CRTAC1: variants seen among roughly 807,000 people sequenced by gnomAD.
The protein encoded by CRTAC1 is acidic secreted protein in cartilage.
Under a neutral mutation model 67.8 loss-of-function variants are expected in CRTAC1, and 37 were observed. The observed-to-expected ratio is 0.55, with a 90% CI of 0.42 to 0.72. CRTAC1 has a LOEUF of 0.72. Among genes scored for constraint, CRTAC1 ranks in the 30% least tolerant of loss-of-function variants. The pLI is 0.00. For missense variants in CRTAC1, 780 were observed against 931.6 expected (o/e 0.84, Z 2.12); for synonymous variants, 348 against 371.0 (o/e 0.94, Z 0.71).
At chr10:97,997,849 C>A (rs886161767) in intron 2 of CRTAC1, among the ~76,000 whole-genome samples, 2 of 152,140 alleles carry the variant, frequency 1.3e-5, no homozygotes, top group Non-Finnish European at 2.9e-5. Context: ...CAGAATGCAG[C>A]AGCACAGAGA....
At chr10:97,912,628 G>C (rs1234711556) in intron 5 of CRTAC1, among the ~76,000 whole-genome samples, 1 of 152,188 alleles carries the variant, frequency 6.6e-6, no homozygotes, top group African/African-American at 2.4e-5. Flanking sequence ...AAGATGGTGG[G>C]GAGGGAGGGT....
At chr10:97,930,916 C>T (rs2050994056) in intron 3 of CRTAC1, among the ~76,000 whole-genome samples, 1 of 20,832 alleles carries the variant, frequency 4.8e-5, no homozygotes, top group Non-Finnish European at 1.5e-4. Flanking sequence ...CCACCAAGAG[C>T]AAAGACAAAA....
rs375513503 is a variant in CRTAC1, at chr10:97,865,607, C to T, written c.1927G>A (p.Val643Ile). The T allele has an allele frequency of 5.5e-5, 88 of 1,613,606 alleles. 1 individual carries two copies. The highest frequency in any genetic ancestry group is 4.1e-4 in the African/African-American group (31 of 75,060). Residue 643 changes from valine (V) to isoleucine (I), a missense_variant, in exon 15 of 15, where the codon GTA (valine) becomes ATA (isoleucine). Transcript: ENST00000370597. ...GACCCCAGATTGAGATCTCCATCTA[C>T]GAGGACCGGTGCAGCAGTGGCAGCT... ...AGAATAAPVL[V>I]DGDLNLGSVV...
At chr10:97,897,110 C>G in intron 8 of CRTAC1, 119 bp from the exon 9 acceptor site, 3 of 630,624 alleles carry the variant, frequency 4.8e-6, no homozygotes, top group Non-Finnish European at 8.1e-6. Flanking sequence ...TGGGCTACCA[C>G]CTGGCTGCCC....
At chr10:97,881,454 C>G (rs1400457018) in intron 13 of CRTAC1, among the ~76,000 whole-genome samples, 3 of 152,222 alleles carry the variant, frequency 2.0e-5, no homozygotes, top group African/African-American at 7.2e-5. Context: ...CTGAAATCAT[C>G]TTGTCCAGGT....
chr10:97,908,237 T>A (rs889386765), intron 5 of CRTAC1, 90 bp from the exon 6 acceptor site: 1 of 1,408,548 alleles, frequency 7.1e-7, no homozygotes, highest in African/African-American at 1.4e-5. Flanking sequence ...TGAGGGGAAC[T>A]GCAGCAGAGG....
chr10:98,007,267 T>C (rs482787), intron 2 of CRTAC1, among the ~76,000 whole-genome samples: 52,709 of 152,020 alleles, frequency 0.35, 9,847 homozygotes, highest in African/African-American at 0.48. Context: ...ATAGGTGTGG[T>C]CTTATTGTAA....
chr10:98,016,487 C>T (rs892119198), intron 1 of CRTAC1, among the ~76,000 whole-genome samples: 5 of 152,078 alleles, frequency 3.3e-5, no homozygotes, highest in Admixed American at 1.3e-4. Flanking sequence ...AATACAGATT[C>T]GGATTTGGTA....
chr10:97,903,845 A>G (rs1346275213), intron 7 of CRTAC1, among the ~76,000 whole-genome samples: 1 of 152,060 alleles, frequency 6.6e-6, no homozygotes, highest in Non-Finnish European at 1.5e-5. Flanking sequence ...TCAACAGCTC[A>G]GGGAGGGGGC....
chr10:97,973,269 C>A (rs917770844), intron 2 of CRTAC1, among the ~76,000 whole-genome samples: 4 of 152,150 alleles, frequency 2.6e-5, no homozygotes, highest in Admixed American at 2.6e-4. Context: ...CCTCTGAGGC[C>A]GGCTTCACTG....
chr10:97,963,877 G>A (rs2051568675), intron 2 of CRTAC1, among the ~76,000 whole-genome samples: 1 of 152,232 alleles, frequency 6.6e-6, no homozygotes. Flanking sequence ...GAGAGGTTGT[G>A]TAACTTGTGT....
chr10:97,937,910 C>G (rs2051114155), intron 2 of CRTAC1, among the ~76,000 whole-genome samples: 1 of 152,194 alleles, frequency 6.6e-6, no homozygotes, highest in African/African-American at 2.4e-5. Flanking sequence ...CAGAGGGTTC[C>G]CAGCTGGTAA....
chr10:97,877,510 T>C (rs2136534240), intron 14 of CRTAC1, among the ~76,000 whole-genome samples: 1 of 152,392 alleles, frequency 6.6e-6, no homozygotes, highest in Non-Finnish European at 1.5e-5. Context: ...CCTAGCTCAG[T>C]ACCTGCACAT....
rs1339125809 is a variant in CRTAC1, at chr10:97,908,032, C to T, written c.831G>A (p.Val277=). 3 of 1,614,072 alleles carry T rather than the reference C, an allele frequency of 1.9e-6. No homozygotes were observed. The highest frequency in any genetic ancestry group is 2.5e-6 in the Non-Finnish European group (3 of 1,180,030). ...ACTCACCAGCACTGGCCGCAGCGTC[C>T]ACAAAGGTGCCATCGCCCCGGTTGT... The part of the protein sequence containing the change: ...LFHNRGDGTF[V]DAAASAGVDD... Residue 277 remains valine, a synonymous_variant, in exon 6 of 15, where the codon GTG becomes GTA. Coordinates refer to ENST00000370597, the MANE Select transcript of CRTAC1 (RefSeq NM_018058.7).
chr10:97,942,171 T>G (rs1251594882), intron 2 of CRTAC1, among the ~76,000 whole-genome samples: 2 of 152,220 alleles, frequency 1.3e-5, no homozygotes, highest in Admixed American at 1.3e-4. Flanking sequence ...TCCTGTTTCT[T>G]CACTTGTTTA....
At chr10:97,887,776 T>C (rs538360072) in intron 11 of CRTAC1, among the ~76,000 whole-genome samples, 35 of 152,234 alleles carry the variant, frequency 2.3e-4, no homozygotes, top group Non-Finnish European at 4.4e-4. Flanking sequence ...CTTTCTACCC[T>C]GGAGCAGGAG....
At chr10:97,884,848 A>T (rs77507167) in intron 11 of CRTAC1, among the ~76,000 whole-genome samples, 12,816 of 152,128 alleles carry the variant, frequency 0.084, 682 homozygotes, top group South Asian at 0.15. Flanking sequence ...TCATGGCTCT[A>T]CCCCTTACCT....
Position 97,895,363 on chromosome 10 carries a change from G to C in CRTAC1, c.1368C>G (p.Ala456=). The part of the protein sequence containing the change: ...LRVVPRTRFG[A]FARGAKVVLY... The stretch of plus-strand genomic sequence containing the variant: ...GCACGACCTTAGCTCCCCTGGCAAA[G>C]GCCCCAAACCGGGTGCGTGGCACCA... Residue 456 remains alanine, a synonymous_variant, in exon 11 of 15, where the codon GCC becomes GCG. Transcript: ENST00000370597. The surrounding 1 kb of genome is among the most constrained non-coding windows in gnomAD (Gnocchi z 4.2). The C allele has an allele frequency of 1.2e-6, 2 of 1,611,420 alleles. No individual in the cohort carries two copies. The highest frequency in any genetic ancestry group is 8.5e-7 in the Non-Finnish European group (1 of 1,178,998).
chr10:97,866,053 C>T lies in CRTAC1; in HGVS notation c.1820-339G>A, dbSNP rs554579150. 51 of 296,698 alleles carry T rather than the reference C, an allele frequency of 1.7e-4. 1 individual carries two copies. The highest frequency in any genetic ancestry group is 7.0e-4 in the African/African-American group (33 of 47,102). 18.4% of individuals were successfully genotyped at this position (296,698 alleles called of 1,614,324 possible). On this transcript the variant is annotated intron_variant, in intron 14 of 14. Transcript: ENST00000370597. ...CCTCTCCCAACCCTGCGAGGGGGGC[C>T]GAGGCCTGCCACATAGAGGACTCCC...
Sources: gnomAD v4.1 joint callset for allele counts (sites outside exome capture counted in the v4.1 genomes callset) on GRCh38, gnomAD v4.1.1 for gene constraint, Gnocchi (gnomAD v3.1) non-coding constraint, MANE v1.5 for transcripts, NCBI Gene and HGNC (gene_info 2026-07-23, HGNC 2026-07-21) for gene names.